GPM6B: variants seen among roughly 807,000 people sequenced by gnomAD.
The protein encoded by GPM6B is glycoprotein M6B, also known as neuronal membrane glycoprotein M6-b.
In GPM6B, 4 loss-of-function variants were observed where a neutral mutation model predicts 27.2. The ratio of observed to expected loss-of-function variants is 0.15; its 90% CI spans 0.07 to 0.34. The LOEUF is 0.34. Ranked by LOEUF, GPM6B falls within the 10% of genes least tolerant of loss-of-function variation. GPM6B has a pLI of 1.00. For synonymous variants in GPM6B, 124 were observed against 103.1 expected, an observed-to-expected ratio of 1.20 and a Z score of -1.23; for missense variants, 183 against 261.9, an observed-to-expected ratio of 0.70 and a Z score of 2.08.
Position 13,839,510 on chromosome X carries a change from C to T in GPM6B, c.-197-53702G>A, listed in dbSNP as rs1014069073. 4.5e-5 allele frequency among the ~76,000 whole-genome samples: 5 copies of T among 111,657 alleles called. No homozygotes were observed. The East Asian group carries it at 8.3e-4, about 19-fold the overall frequency. The stretch of plus-strand genomic sequence containing the variant: ...TTTTACAGAGTTTGACTCTTTTCAG[C>T]GATACACCACACTGGGACCAACATC... On this transcript the variant is annotated intron_variant, in intron 1 of 6. Coordinates refer to the GPM6B transcript ENST00000398361.
rs753785843 is a variant in GPM6B at position 13,924,750 on chromosome X, C to T, written c.-198+13577G>A. 2.3e-3 allele frequency among the ~76,000 whole-genome samples: 262 copies of T among 112,001 alleles called. 2 individuals carry two copies. The highest frequency in any genetic ancestry group is 7.7e-3 in the African/African-American group (238 of 30,834). ...GGTCCCTTCTTAGCTAAATTGTGAA[C>T]TCTATCACTGTTTGGAAGTTTTAAC... On this transcript the variant is annotated intron_variant, in intron 1 of 6. Transcript: ENST00000398361.
At chrX:13,862,626 G>A (rs990120871) in intron 1 of GPM6B, among the ~76,000 whole-genome samples, 17 of 112,169 alleles carry the variant, frequency 1.5e-4, no homozygotes, top group Non-Finnish European at 2.8e-4. Context: ...AAAGTATTAT[G>A]AATATGAACC....
chrX:13,934,584 T>C (rs751197052), intron 1 of GPM6B, among the ~76,000 whole-genome samples: 5 of 111,980 alleles, frequency 4.5e-5, no homozygotes, highest in Non-Finnish European at 9.4e-5. Context: ...ACTGGAAGCA[T>C]GCACATCGAA....
chrX:13,840,261 C>CCA (rs1476628041), intron 1 of GPM6B, among the ~76,000 whole-genome samples: 1 of 111,314 alleles, frequency 9.0e-6, no homozygotes, highest in Non-Finnish European at 1.9e-5. Context: ...CACCAACCCT[C>CCA]CAGGCTCAGC....
At chrX:13,898,213 A>C (rs995261708) in intron 1 of GPM6B, among the ~76,000 whole-genome samples, 1 of 111,238 alleles carries the variant, frequency 9.0e-6, no homozygotes, top group Non-Finnish European at 1.9e-5. Flanking sequence ...TGTCCTGTGA[A>C]TTGTAGACTA....
At chrX:13,816,701 G>GA (rs1209230365) in intron 1 of GPM6B, 143 bp downstream of exon 1, 8 of 689,947 alleles carry the variant, frequency 1.2e-5, no homozygotes, top group South Asian at 2.3e-5. Flanking sequence ...CAGCCCACAG[G>GA]AAAAAAATCA....
intron 1 of GPM6B, among the ~76,000 whole-genome samples, chrX:13,832,300 A>G (rs1427160210): frequency 1.8e-5 from 2 of 112,149 alleles, no homozygotes; most frequent in South Asian, 3.7e-4. Flanking sequence ...TACACCAAAG[A>G]CTGAAAACCA....
chrX:13,796,414 A>G (rs151044609), intron 2 of GPM6B, among the ~76,000 whole-genome samples: 2 of 112,377 alleles, frequency 1.8e-5, no homozygotes, highest in Non-Finnish European at 3.8e-5. Context: ...GGCACAACTC[A>G]GAAGAGCAAA....
At chrX:13,878,092 C>T (rs1183506441) in intron 1 of GPM6B, among the ~76,000 whole-genome samples, 6 of 109,715 alleles carry the variant, frequency 5.5e-5, no homozygotes, top group African/African-American at 2.0e-4. Context: ...CAGGATTTGA[C>T]GAGGTCAGAA....
intron 1 of GPM6B, among the ~76,000 whole-genome samples, chrX:13,873,314 C>T (rs1157544529): frequency 9.0e-6 from 1 of 110,551 alleles, no homozygotes; most frequent in African/African-American, 3.3e-5. Flanking sequence ...TATAGATCTT[C>T]AGAGAGCGAC....
At chrX:13,862,627 A>T (rs754268968) in intron 1 of GPM6B, among the ~76,000 whole-genome samples, 1 of 112,365 alleles carries the variant, frequency 8.9e-6, no homozygotes, top group Non-Finnish European at 1.9e-5. Flanking sequence ...AAGTATTATG[A>T]ATATGAACCC....
At chrX:13,900,527 C>T (rs746626844) in intron 1 of GPM6B, among the ~76,000 whole-genome samples, 6 of 110,787 alleles carry the variant, frequency 5.4e-5, no homozygotes, top group East Asian at 2.8e-4. Context: ...GGTTGTGCCA[C>T]GTGCGTGTTT....
At chrX:13,895,567 G>A (rs978028613) in intron 1 of GPM6B, among the ~76,000 whole-genome samples, 8 of 111,748 alleles carry the variant, frequency 7.2e-5, no homozygotes, top group Non-Finnish European at 1.5e-4. Context: ...AGGACTGCTA[G>A]TTCCATGAGA....
chrX:13,926,258 A>G (rs1442886586), intron 1 of GPM6B, among the ~76,000 whole-genome samples: 1 of 99,590 alleles, frequency 1.0e-5, no homozygotes, highest in African/African-American at 3.7e-5. Flanking sequence ...AATACAAAAA[A>G]TTAGCCGGGC....
intron 1 of GPM6B, among the ~76,000 whole-genome samples, chrX:13,850,636 T>C (rs772037820): frequency 4.0e-4 from 45 of 111,975 alleles, no homozygotes; most frequent in African/African-American, 1.3e-3. Flanking sequence ...GGTTGAACCA[T>C]ACATGTGAGT....
At chrX:13,842,246 C>G (rs1203244762) in intron 1 of GPM6B, among the ~76,000 whole-genome samples, 1 of 112,067 alleles carries the variant, frequency 8.9e-6, no homozygotes, top group Non-Finnish European at 1.9e-5. Context: ...TCTGCAATGG[C>G]TATGACCTTT....
At position 13,777,020 on chromosome X, in the gene GPM6B, TAGAA is replaced by T. The variant is rs770683193; in HGVS notation, c.771+328_771+331del. 9.1e-4 allele frequency among the ~76,000 whole-genome samples: 60 copies of T among 66,159 alleles called. 1 individual carries two copies. Among genetic ancestry groups the T allele is most frequent in the Non-Finnish European group, 1.1e-3 (43 of 38,361 alleles). 57.5% of individuals were successfully genotyped at this position (66,159 alleles called of 115,157 possible). A position where few individuals can be genotyped will look rare whatever the true frequency, so the allele number is the denominator to read the frequency against. ...GTTCTACTTTGAAAATCTTTCAAAG[TAGAA>T]AGAGTAGAAGTAGAAGAGGTGAGAG... On this transcript the variant is annotated intron_variant, in intron 6 of 7. Coordinates refer to ENST00000316715, the MANE Select transcript of GPM6B (RefSeq NM_001001995.3).
chrX:13,831,970 C>T (rs917964950), intron 1 of GPM6B, among the ~76,000 whole-genome samples: 1 of 111,532 alleles, frequency 9.0e-6, no homozygotes, highest in African/African-American at 3.3e-5. Flanking sequence ...TGTATTTCCC[C>T]ACCCTCAACA....
At chrX:13,895,281 C>T (rs890646611) in intron 1 of GPM6B, among the ~76,000 whole-genome samples, 5 of 111,198 alleles carry the variant, frequency 4.5e-5, no homozygotes, top group East Asian at 2.8e-4. Flanking sequence ...AACATAATAA[C>T]GACCTGGTAC....
Sources: gnomAD v4.1 joint callset for allele counts (sites outside exome capture counted in the v4.1 genomes callset) on GRCh38, gnomAD v4.1.1 for gene constraint, MANE v1.5 for transcripts, NCBI Gene and HGNC (gene_info 2026-07-23, HGNC 2026-07-21) for gene names.